The following SCMH1 variants were observed in gnomAD, a reference collection of about 807,000 sequenced individuals.
SCMH1 encodes the protein polycomb protein SCMH1.
SCMH1 carries 37 observed loss-of-function variants against 70.8 expected under a neutral mutation model. The observed-to-expected ratio is 0.52, with a 90% CI of 0.40 to 0.69. SCMH1 has a LOEUF of 0.69. SCMH1 is among the 30% of genes least tolerant of loss of function. The pLI, the probability that SCMH1 is intolerant of heterozygous loss-of-function variation, is 0.00. For synonymous variants in SCMH1, 292 were observed against 307.4 expected (o/e 0.95, Z 0.52); for missense variants, 607 against 827.3 (o/e 0.73, Z 3.27).
chr1:41,075,223 C>T (rs1657918242), exon 9 of SCMH1: 1 of 1,614,068 alleles, frequency 6.2e-7, no homozygotes, highest in Middle Eastern at 1.6e-4. Context: ...ACCTACCTTG[C>T]TGCCAGGTTT....
intron 2 of SCMH1, among the ~76,000 whole-genome samples, chr1:41,178,035 T>A (rs1053698984): frequency 6.6e-6 from 1 of 152,106 alleles, no homozygotes; most frequent in Admixed American, 6.5e-5. Context: ...CTAACAGCTG[T>A]TCTCTCGGCA....
At chr1:41,176,447 C>A (rs1225328631) in intron 2 of SCMH1, among the ~76,000 whole-genome samples, 2 of 152,170 alleles carry the variant, frequency 1.3e-5, no homozygotes, top group East Asian at 3.9e-4. Flanking sequence ...CGAAGCAGGG[C>A]GAGGCATCGC....
At chr1:41,226,954 C>T (rs906277577) in intron 1 of SCMH1, among the ~76,000 whole-genome samples, 1 of 152,142 alleles carries the variant, frequency 6.6e-6, no homozygotes, top group Non-Finnish European at 1.5e-5. Flanking sequence ...AGAAAAAACC[C>T]TGAGGTGGGA....
chr1:41,088,889 A>G (rs1451135092), intron 8 of SCMH1, among the ~76,000 whole-genome samples: 2 of 152,182 alleles, frequency 1.3e-5, no homozygotes, highest in Admixed American at 1.3e-4. Context: ...GATGTAAAAT[A>G]TTTACCAACC....
chr1:41,121,758 T>C (rs1334845632), intron 6 of SCMH1, among the ~76,000 whole-genome samples: 1 of 152,196 alleles, frequency 6.6e-6, no homozygotes, highest in East Asian at 1.9e-4. Flanking sequence ...TGAATAAGTT[T>C]AAGACAGTAC....
chr1:41,168,343 T>C (rs1646550398), intron 2 of SCMH1, among the ~76,000 whole-genome samples: 1 of 152,222 alleles, frequency 6.6e-6, no homozygotes, highest in South Asian at 2.1e-4. Flanking sequence ...TTTTTCTTTT[T>C]GCTCAGATTG....
At chr1:41,192,433 G>A (rs561115328) in intron 1 of SCMH1, among the ~76,000 whole-genome samples, 1 of 150,846 alleles carries the variant, frequency 6.6e-6, no homozygotes, top group African/African-American at 2.4e-5. Context: ...AGTTTCCTCC[G>A]CAGCAAAATA....
At chr1:41,116,068 C>A (rs899255378) in intron 7 of SCMH1, among the ~76,000 whole-genome samples, 1 of 152,048 alleles carries the variant, frequency 6.6e-6, no homozygotes, top group African/African-American at 2.4e-5. Context: ...ACTAAGTTTT[C>A]TTCTATTTTC....
intron 9 of SCMH1, among the ~76,000 whole-genome samples, chr1:41,072,121 G>T (rs1222077417): frequency 6.6e-6 from 1 of 152,188 alleles, no homozygotes; most frequent in Non-Finnish European, 1.5e-5. Context: ...ATGACAGCAG[G>T]CATATATAAG....
In SCMH1 at chr1:41,238,000, A is replaced by G. The variant is rs977747243; in HGVS notation, c.-118+4059T>C. ...GTGATTTTATGTGGTATGTGTGTAT[A>G]TATTTTTTCATGTAATATTTGTGAT... On this transcript the variant is annotated intron_variant, in intron 1 of 14. Transcript: ENST00000337495. 3.3e-5 allele frequency among the ~76,000 whole-genome samples: 5 copies of G among 152,194 alleles called. No individual in the cohort carries two copies. The South Asian group carries it at 6.2e-4, about 19-fold the overall frequency.
intron 5 of SCMH1, among the ~76,000 whole-genome samples, chr1:41,147,248 A>C (rs1244832206): frequency 6.6e-6 from 1 of 152,054 alleles, no homozygotes; most frequent in Non-Finnish European, 1.5e-5. Context: ...GATCCCTTTT[A>C]TTTCTTTTTC....
intron 13 of SCMH1, among the ~76,000 whole-genome samples, chr1:41,037,157 C>T (rs1645421728): frequency 6.6e-6 from 1 of 152,118 alleles, no homozygotes; most frequent in Non-Finnish European, 1.5e-5. Flanking sequence ...GTCTTTGGCT[C>T]TTAGTTTCTG....
rs1646902871 is a variant in SCMH1, at chr1:41,173,254, C to T, written c.14-11822G>A. On this transcript the variant is annotated intron_variant, in intron 2 of 14. Coordinates refer to ENST00000337495, the Ensembl canonical transcript of SCMH1. ...TCAAACAACAGCAAAAAACAAAAAA[C>T]TCCCCCCCAAAACACAAAACAACAA... 3.3e-5 allele frequency among the ~76,000 whole-genome samples: 5 copies of T among 152,032 alleles called. 1 individual carries two copies. In the South Asian group the frequency reaches 1.0e-3, roughly 32 times the overall value.
exon 9 of SCMH1, chr1:41,075,338 G>A (rs1331134549): frequency 6.2e-7 from 1 of 1,614,104 alleles, no homozygotes; most frequent in Non-Finnish European, 8.5e-7. Context: ...TTCTTTCCTG[G>A]TTTACGCCCC....
intron 6 of SCMH1, among the ~76,000 whole-genome samples, chr1:41,136,687 T>C (rs1443206332): frequency 1.3e-5 from 2 of 151,994 alleles, no homozygotes; most frequent in African/African-American, 2.4e-5. Context: ...TTATTTTCTA[T>C]GTTTGTGCCT....
intron 6 of SCMH1, among the ~76,000 whole-genome samples, chr1:41,119,836 T>C (rs1329233799): frequency 6.6e-6 from 1 of 152,200 alleles, no homozygotes; most frequent in Non-Finnish European, 1.5e-5. Context: ...TATGAGTTAA[T>C]AATTCCTGCC....
chr1:41,080,061 T>C lies in SCMH1; in HGVS notation c.746-4610A>G, dbSNP rs188395489. The stretch of plus-strand genomic sequence containing the variant: ...TTTTCTTACACTTTGTTCATCTTTT[T>C]TACATTTTAACATTTTAATTATGAT... On this transcript the variant is annotated intron_variant, in intron 8 of 14. Coordinates refer to ENST00000337495, the Ensembl canonical transcript of SCMH1. Among the ~76,000 whole-genome samples, 550 of 152,274 alleles carry C rather than the reference T, an allele frequency of 3.6e-3. 3 individuals are homozygous for C. Among genetic ancestry groups the C allele is most frequent in the African/African-American group, 0.012 (509 of 41,564 alleles).
chr1:41,151,392 A>G (rs752246328), intron 5 of SCMH1, among the ~76,000 whole-genome samples: 2 of 152,172 alleles, frequency 1.3e-5, no homozygotes, highest in African/African-American at 2.4e-5. Context: ...GGAGGTAAAG[A>G]AGGAGGCAAG....
At chr1:41,149,337 C>T (rs1432319595) in intron 5 of SCMH1, among the ~76,000 whole-genome samples, 1 of 152,172 alleles carries the variant, frequency 6.6e-6, no homozygotes, top group Non-Finnish European at 1.5e-5. Context: ...TCATTTCCCA[C>T]ATAGTAGCCC....
Sources: gnomAD v4.1 joint callset for allele counts (sites outside exome capture counted in the v4.1 genomes callset) on GRCh38, gnomAD v4.1.1 for gene constraint, MANE v1.5 for transcripts, NCBI Gene and HGNC (gene_info 2026-07-23, HGNC 2026-07-21) for gene names.